Variants in CECR2 observed in about 807,000 individuals in gnomAD.
The protein encoded by CECR2 is chromatin remodeling regulator CECR2.
In CECR2, 30 loss-of-function variants were observed where a neutral mutation model predicts 154.5. The observed-to-expected ratio is 0.19, with a 90% CI of 0.15 to 0.26. The LOEUF is 0.26. CECR2 is among the 10% of genes least tolerant of loss of function. The pLI, the probability that CECR2 is intolerant of heterozygous loss-of-function variation, is 1.00. For missense variants in CECR2, 1,743 were observed against 1,829.3 expected (o/e 0.95, Z 0.86); for synonymous variants, 725 against 683.7 (o/e 1.06, Z -0.94).
intron 8 of CECR2, among the ~76,000 whole-genome samples, chr22:17,515,215 T>C (rs994684985): frequency 1.1e-4 from 17 of 152,118 alleles, no homozygotes; most frequent in Non-Finnish European, 2.2e-4. Flanking sequence ...GGCAGACATA[T>C]TCAGCTAAGC....
intron 7 of CECR2, among the ~76,000 whole-genome samples, chr22:17,510,749 G>A (rs779468626): frequency 6.6e-6 from 1 of 151,990 alleles, no homozygotes; most frequent in Non-Finnish European, 1.5e-5. Context: ...CTACAGGCAC[G>A]CACCACCATG....
intron 2 of CECR2, among the ~76,000 whole-genome samples, chr22:17,481,237 G>A (rs2055310586): frequency 6.7e-6 from 1 of 150,286 alleles, no homozygotes; most frequent in Admixed American, 6.6e-5. Context: ...CAGCTACTTG[G>A]GAGGCTGAGG....
chr22:17,406,341 C>T (rs1484443494), intron 1 of CECR2, among the ~76,000 whole-genome samples: 7 of 151,976 alleles, frequency 4.6e-5, no homozygotes, highest in African/African-American at 1.7e-4. Flanking sequence ...GCCAACATGA[C>T]GAAACCCCGT....
intron 1 of CECR2, among the ~76,000 whole-genome samples, chr22:17,393,981 G>A (rs968806598): frequency 8.1e-5 from 12 of 148,798 alleles, no homozygotes; most frequent in African/African-American, 1.7e-4. Flanking sequence ...TCTGCCTCCC[G>A]GGTTCAAGCA....
intron 1 of CECR2, among the ~76,000 whole-genome samples, chr22:17,410,958 C>T (rs1017223963): frequency 6.6e-6 from 1 of 152,036 alleles, no homozygotes; most frequent in African/African-American, 2.4e-5. Flanking sequence ...GGATGTTGCC[C>T]AAGGTCATAT....
At chr22:17,432,266 G>A (rs969739496) in intron 1 of CECR2, among the ~76,000 whole-genome samples, 4 of 152,228 alleles carry the variant, frequency 2.6e-5, no homozygotes, top group African/African-American at 4.8e-5. Flanking sequence ...TTAGCAGAAT[G>A]TTTTTATGGT....
chr22:17,488,489 G>A (rs965189485), intron 2 of CECR2, among the ~76,000 whole-genome samples: 3 of 152,122 alleles, frequency 2.0e-5, no homozygotes, highest in East Asian at 3.9e-4. Context: ...AACCACTGAC[G>A]ACATTTTTAT....
At chr22:17,515,707 G>A (rs927376313) in intron 8 of CECR2, among the ~76,000 whole-genome samples, 11 of 145,258 alleles carry the variant, frequency 7.6e-5, no homozygotes, top group South Asian at 2.2e-4. Flanking sequence ...ACGGAGTCTC[G>A]CTCTGTCACC....
chr22:17,528,523 TTTTTC>T (rs933881535), intron 9 of CECR2, among the ~76,000 whole-genome samples: 5 of 152,162 alleles, frequency 3.3e-5, no homozygotes, highest in East Asian at 3.9e-4. Flanking sequence ...TATGGCTTTT[TTTTTC>T]TTTTCTTTTC....
chr22:17,402,273 CTG>C (rs1368525571), intron 1 of CECR2, among the ~76,000 whole-genome samples: 2 of 151,872 alleles, frequency 1.3e-5, no homozygotes, highest in African/African-American at 4.8e-5. Flanking sequence ...GCGTGAGCCA[CTG>C]TGCCTGGCCA....
chr22:17,547,855 C>G (rs978760057), intron 16 of CECR2, among the ~76,000 whole-genome samples: 1 of 152,192 alleles, frequency 6.6e-6, no homozygotes, highest in Admixed American at 6.5e-5. Flanking sequence ...CACAAGCCGT[C>G]TCTCAGCCTC....
chr22:17,381,108 G>A (rs554823198), intron 1 of CECR2, among the ~76,000 whole-genome samples: 116 of 140,504 alleles, frequency 8.3e-4, no homozygotes, highest in Middle Eastern at 7.0e-3. Flanking sequence ...GGTGGGCGGG[G>A]GGGAAGGTGC....
At chr22:17,493,364 T>C (rs1443510752) in intron 2 of CECR2, among the ~76,000 whole-genome samples, 1 of 152,198 alleles carries the variant, frequency 6.6e-6, no homozygotes, top group African/African-American at 2.4e-5. Context: ...TATCAAATTA[T>C]TAAGTGTTTT....
intron 2 of CECR2, among the ~76,000 whole-genome samples, chr22:17,492,131 G>T (rs1041134002): frequency 6.6e-6 from 1 of 152,156 alleles, no homozygotes; most frequent in Admixed American, 6.5e-5. Context: ...TATGTTAAAC[G>T]TGGCCTGTGT....
chr22:17,404,016 T>C (rs141324228), intron 1 of CECR2, among the ~76,000 whole-genome samples: 9,847 of 151,328 alleles, frequency 0.065, 556 homozygotes, highest in African/African-American at 0.15. Flanking sequence ...TCCTAGCACT[T>C]TGGGAGATGG....
Position 17,479,765 on chromosome 22 carries a change from C to CTT in CECR2, c.221+2102_221+2103dup, listed in dbSNP as rs571664926. Reference sequence around the variant, plus strand: ...TTGACATCCCTACAATGTGGTCTTTCTTTTTTTTTTTTTTTTTTTTGGGAC... The same window carrying CTT: ...TTGACATCCCTACAATGTGGTCTTTCTTTTTTTTTTTTTTTTTTTTTTGGGAC... On this transcript the variant is annotated intron_variant, in intron 2 of 18. Transcript: ENST00000262608. Among the ~76,000 whole-genome samples the CTT allele has an allele frequency of 8.0e-3, 937 of 117,050 alleles. 12 individuals are homozygous for CTT. The highest frequency in any genetic ancestry group is 0.023 in the African/African-American group (711 of 30,932). The allele number at this position is 117,050 out of a possible 152,430, so 76.8% of individuals were successfully genotyped here.
intron 2 of CECR2, among the ~76,000 whole-genome samples, chr22:17,484,712 TACTAA>T (rs2055389767): frequency 6.6e-6 from 1 of 152,116 alleles, no homozygotes; most frequent in Non-Finnish European, 1.5e-5. Context: ...ACCACGTCTC[TACTAA>T]AAATTCAAAA....
Position 17,454,031 on chromosome 22 carries a change from A to G in CECR2, c.127-23557A>G, listed in dbSNP as rs935366496. Among the ~76,000 whole-genome samples the G allele has an allele frequency of 7.2e-5, 11 of 152,338 alleles. 1 individual carries two copies. Among genetic ancestry groups the G allele is most frequent in the African/African-American group, 2.2e-4 (9 of 41,580 alleles). On this transcript the variant is annotated intron_variant, in intron 1 of 18. Coordinates refer to ENST00000262608, the MANE Select transcript of CECR2 (RefSeq NM_001290047.2). ...AGTGCTGGCTTTGCCACTTACCAGC[A>G]CTGTACACTCAGAAGTGCACCTCTG...
At chr22:17,362,779 G>A (rs966695718) in intron 1 of CECR2, among the ~76,000 whole-genome samples, 32 of 151,190 alleles carry the variant, frequency 2.1e-4, no homozygotes, top group African/African-American at 7.3e-4. Flanking sequence ...GTGGGTGCCT[G>A]TAATCCCAGC....
Sources: gnomAD v4.1 joint callset for allele counts (sites outside exome capture counted in the v4.1 genomes callset) on GRCh38, gnomAD v4.1.1 for gene constraint, MANE v1.5 for transcripts, NCBI Gene and HGNC (gene_info 2026-07-23, HGNC 2026-07-21) for gene names.